Variants in RGS7 observed in about 807,000 individuals in gnomAD.
The protein encoded by RGS7 is regulator of G-protein signaling 7.
Under a neutral mutation model 81.1 loss-of-function variants are expected in RGS7, and 27 were observed. That is an observed-to-expected ratio of 0.33 (90% confidence interval 0.25 to 0.46). RGS7 has a LOEUF of 0.46. Ranked by LOEUF, RGS7 falls within the 20% of genes least tolerant of loss-of-function variation. The probability of loss-of-function intolerance (pLI) is 1.00; values close to 1 mark genes in which losing one functional copy is unlikely to be tolerated. For missense variants in RGS7, 396 were observed against 607.4 expected, an observed-to-expected ratio of 0.65 and a Z score of 3.66; for synonymous variants, 208 against 207.7, an observed-to-expected ratio of 1.00 and a Z score of -0.01.
At chr1:240,999,166 C>A (rs1448464997) in intron 3 of RGS7, among the ~76,000 whole-genome samples, 2 of 151,806 alleles carry the variant, frequency 1.3e-5, no homozygotes, top group East Asian at 3.9e-4. Flanking sequence ...TTTTTTATAA[C>A]TTCTATTTCT....
At chr1:240,893,831 G>A (rs947163569) in intron 6 of RGS7, among the ~76,000 whole-genome samples, 1 of 152,076 alleles carries the variant, frequency 6.6e-6, no homozygotes, top group African/African-American at 2.4e-5. Flanking sequence ...ATATATTATT[G>A]TTATGTGTCA....
intron 3 of RGS7, among the ~76,000 whole-genome samples, chr1:240,999,711 G>A (rs1265938899): frequency 2.6e-5 from 4 of 151,830 alleles, no homozygotes; most frequent in South Asian, 4.2e-4. Context: ...AATGATTCTC[G>A]TGTCTCAGCC....
chr1:240,960,217 C>CTTCTTCTTCT (rs60911948), intron 4 of RGS7, among the ~76,000 whole-genome samples: 3 of 8,956 alleles, frequency 3.3e-4, no homozygotes, highest in African/African-American at 1.1e-3. Flanking sequence ...TCTTCTTCTT[C>CTTCTTCTTCT]TTTTTTTTTT....
At chr1:241,293,576 A>AC (rs2079211497) in intron 2 of RGS7, among the ~76,000 whole-genome samples, 1 of 152,180 alleles carries the variant, frequency 6.6e-6, no homozygotes, top group Non-Finnish European at 1.5e-5. Flanking sequence ...TTAGTTTTTA[A>AC]TAAAAAAAGT....
intron 4 of RGS7, among the ~76,000 whole-genome samples, chr1:240,967,567 G>T (rs1346507915): frequency 4.3e-5 from 5 of 117,430 alleles, no homozygotes; most frequent in Non-Finnish European, 7.7e-5. Flanking sequence ...GTGCCAAGAA[G>T]TGGGGGGGGG....
Position 241,301,120 on chromosome 1 carries a change from C to T in RGS7, c.78+54579G>A, listed in dbSNP as rs139095960. Reference sequence around the variant, plus strand: ...TTGCACAACAGAATAAAAACAAGGTCTTCAATGATGAGTTAGTTGTGATTT... The same window carrying T: ...TTGCACAACAGAATAAAAACAAGGTTTTCAATGATGAGTTAGTTGTGATTT... On this transcript the variant is annotated intron_variant, in intron 2 of 18. Transcript: ENST00000440928. Among the ~76,000 whole-genome samples the T allele has an allele frequency of 9.8e-5, 15 of 152,314 alleles. No individual in the cohort carries two copies. The East Asian group carries it at 2.5e-3, about 25-fold the overall frequency.
chr1:241,158,786 T>C (rs900533457), intron 2 of RGS7, among the ~76,000 whole-genome samples: 11 of 152,230 alleles, frequency 7.2e-5, no homozygotes, highest in Admixed American at 2.6e-4. Context: ...ACTCTTCAGA[T>C]GCCTAAAATT....
intron 2 of RGS7, among the ~76,000 whole-genome samples, chr1:241,121,383 T>C (rs1010944636): frequency 6.6e-6 from 1 of 152,206 alleles, no homozygotes; most frequent in Non-Finnish European, 1.5e-5. Context: ...TTGAGGTATG[T>C]ATGCATCTAG....
chr1:240,805,865 C>T (rs1381574123), intron 15 of RGS7, among the ~76,000 whole-genome samples: 2 of 151,918 alleles, frequency 1.3e-5, no homozygotes, highest in Non-Finnish European at 2.9e-5. Context: ...ACTGGGGGGA[C>T]AAACAGAGTA....
Position 241,236,810 on chromosome 1 carries a change from G to A in RGS7, c.78+118889C>T, listed in dbSNP as rs555423178. On this transcript the variant is annotated intron_variant, in intron 2 of 18. Transcript: ENST00000440928. ...GAAAGAAAACTTTCCATGGATCAAG[G>A]ACTCAACATAATTCTAGGATCTATA... Among the ~76,000 whole-genome samples the A allele has an allele frequency of 6.1e-5, 9 of 148,524 alleles. No individual in the cohort carries two copies. In the South Asian group the frequency reaches 2.0e-3, roughly 32 times the overall value.
At chr1:240,932,002 A>G (rs1675525411) in intron 5 of RGS7, among the ~76,000 whole-genome samples, 1 of 152,132 alleles carries the variant, frequency 6.6e-6, no homozygotes, top group Admixed American at 6.5e-5. Flanking sequence ...TGTGGGCTTA[A>G]TTCTATCTGT....
At chr1:241,113,542 A>C (rs1486137107) in intron 2 of RGS7, among the ~76,000 whole-genome samples, 1 of 152,198 alleles carries the variant, frequency 6.6e-6, no homozygotes, top group Non-Finnish European at 1.5e-5. Context: ...TAAAATACTG[A>C]CTATATTTTT....
At chr1:241,171,377 C>T (rs2070723674) in intron 2 of RGS7, among the ~76,000 whole-genome samples, 1 of 152,186 alleles carries the variant, frequency 6.6e-6, no homozygotes, top group South Asian at 2.1e-4. Context: ...CATTGTGCCA[C>T]TGAAGCAACT....
chr1:241,069,165 T>C (rs1170846013), intron 3 of RGS7, among the ~76,000 whole-genome samples: 2 of 152,200 alleles, frequency 1.3e-5, no homozygotes, highest in Admixed American at 6.5e-5. Context: ...GAATGTCCTA[T>C]AGAGATGTGG....
At chr1:241,290,724 C>T (rs1476059318) in intron 2 of RGS7, among the ~76,000 whole-genome samples, 1 of 152,194 alleles carries the variant, frequency 6.6e-6, no homozygotes, top group Non-Finnish European at 1.5e-5. Context: ...TTTTGTCACT[C>T]TGTAGCTATG....
At chr1:241,111,619 A>T (rs1448917029) in intron 2 of RGS7, among the ~76,000 whole-genome samples, 1 of 101,934 alleles carries the variant, frequency 9.8e-6, no homozygotes, top group Non-Finnish European at 2.1e-5. Context: ...CTCTACAAGT[A>T]AAAAAAAAAA....
chr1:240,822,295 T>C (rs1691942870), intron 10 of RGS7, among the ~76,000 whole-genome samples: 1 of 152,112 alleles, frequency 6.6e-6, no homozygotes, highest in Non-Finnish European at 1.5e-5. Flanking sequence ...CACAAAAAGA[T>C]GTACAGATTT....
At chr1:241,005,357 A>C (rs1332053683) in intron 3 of RGS7, among the ~76,000 whole-genome samples, 3 of 152,194 alleles carry the variant, frequency 2.0e-5, no homozygotes, top group Non-Finnish European at 4.4e-5. Flanking sequence ...ACGTCGATTA[A>C]GGTATAAAAC....
chr1:241,325,939 G>C (rs1037631299), intron 2 of RGS7, among the ~76,000 whole-genome samples: 1 of 151,850 alleles, frequency 6.6e-6, no homozygotes, highest in Non-Finnish European at 1.5e-5. Flanking sequence ...TTTTCACTAT[G>C]CTCCTCTGCT....
Sources: allele counts gnomAD v4.1 joint callset (sites outside exome capture counted in the v4.1 genomes callset), GRCh38; gene constraint gnomAD v4.1.1; transcripts MANE v1.5; gene names NCBI Gene and HGNC (gene_info 2026-07-23, HGNC 2026-07-21).